Variants in LRRC49 observed in about 807,000 individuals in gnomAD.
LRRC49 encodes the protein leucine rich repeat containing 49.
LRRC49 carries 50 observed loss-of-function variants against 83.3 expected under a neutral mutation model. The ratio of observed to expected loss-of-function variants is 0.60; its 90% confidence interval spans 0.48 to 0.76. The LOEUF is 0.76. Among genes scored for constraint, LRRC49 ranks in the 30% least tolerant of loss-of-function variants. The pLI, the probability that LRRC49 is intolerant of heterozygous loss-of-function variation, is 0.00. For missense variants in LRRC49, 704 were observed against 809.1 expected (o/e 0.87, Z 1.58); for synonymous variants, 286 against 283.3 (o/e 1.01, Z -0.10).
At chr15:71,036,674 C>G (rs1386924112) in intron 14 of LRRC49, among the ~76,000 whole-genome samples, 2 of 152,156 alleles carry the variant, frequency 1.3e-5, no homozygotes, top group African/African-American at 2.4e-5. Flanking sequence ...GATATGCTCA[C>G]AATTGGAGGT....
chr15:70,854,685 A>C (rs951937413), intron 1 of LRRC49, among the ~76,000 whole-genome samples: 1 of 152,122 alleles, frequency 6.6e-6, no homozygotes, highest in Non-Finnish European at 1.5e-5. Context: ...GCCCTGTATC[A>C]GTTTTTCTCC....
At chr15:70,925,688 A>G (rs2035169945) in intron 7 of LRRC49, among the ~76,000 whole-genome samples, 1 of 152,218 alleles carries the variant, frequency 6.6e-6, no homozygotes, top group African/African-American at 2.4e-5. Flanking sequence ...ACACACTTTT[A>G]GGATATACTG....
chr15:70,953,213 G>T (rs2036282052), intron 8 of LRRC49, among the ~76,000 whole-genome samples: 1 of 152,108 alleles, frequency 6.6e-6, no homozygotes, highest in African/African-American at 2.4e-5. Context: ...TCATATAGTT[G>T]CTTTATAATA....
At chr15:70,983,637 C>T (rs1275228814) in intron 10 of LRRC49, among the ~76,000 whole-genome samples, 2 of 151,994 alleles carry the variant, frequency 1.3e-5, no homozygotes, top group Admixed American at 6.6e-5. Context: ...TCCCTTCCCC[C>T]CCTCCAAGAT....
At chr15:71,017,330 C>T (rs948126201) in intron 14 of LRRC49, among the ~76,000 whole-genome samples, 1 of 152,070 alleles carries the variant, frequency 6.6e-6, no homozygotes, top group Non-Finnish European at 1.5e-5. Flanking sequence ...TTTATCATCT[C>T]ATGTTAATGA....
intron 11 of LRRC49, among the ~76,000 whole-genome samples, chr15:70,985,947 C>T (rs1420868587): frequency 3.5e-5 from 5 of 143,688 alleles, no homozygotes; most frequent in African/African-American, 5.1e-5. Context: ...TGTAGATATG[C>T]GGCGTTATTT....
chr15:70,982,584 C>T (rs145282666), intron 10 of LRRC49, among the ~76,000 whole-genome samples: 1,697 of 152,118 alleles, frequency 0.011, 15 homozygotes, highest in Middle Eastern at 0.058. Context: ...TTTTGAAACA[C>T]CAAACAACAG....
intron 1 of LRRC49, among the ~76,000 whole-genome samples, chr15:70,862,825 C>T (rs980899604): frequency 6.6e-6 from 1 of 152,128 alleles, no homozygotes; most frequent in Non-Finnish European, 1.5e-5. Context: ...CAGCACAATT[C>T]AACCCCAGCA....
intron 1 of LRRC49, among the ~76,000 whole-genome samples, chr15:70,872,212 G>A (rs1219576142): frequency 1.3e-5 from 2 of 152,244 alleles, no homozygotes; most frequent in East Asian, 1.9e-4. Context: ...CGGCCAACAC[G>A]GCGAAACCCC....
At position 70,984,074 on chromosome 15, in the gene LRRC49, C is replaced by A; in HGVS notation, c.1006-20C>A. On this transcript the variant is annotated intron_variant, in intron 10 of 15. Transcript: ENST00000260382. ...AAAAATTGCATTATATAACTTTTGTCACAATTAACTTTTTCATAGGAGAAG... is the reference window on the plus strand; with the variant it reads ...AAAAATTGCATTATATAACTTTTGTAACAATTAACTTTTTCATAGGAGAAG... 1 of 1,608,416 alleles carries A rather than the reference C, an allele frequency of 6.2e-7. No homozygotes were observed. Among genetic ancestry groups the A allele is most frequent in the South Asian group, 1.1e-5 (1 of 90,588 alleles).
At chr15:70,887,940 C>A (rs75295760), upstream of LRRC49, among the ~76,000 whole-genome samples, 18 of 151,936 alleles carry the variant, frequency 1.2e-4, no homozygotes, top group East Asian at 1.5e-3. Context: ...TTTAAAATAC[C>A]ATTTATAGTA....
intron 14 of LRRC49, among the ~76,000 whole-genome samples, chr15:71,025,046 T>C (rs1399001059): frequency 6.6e-6 from 1 of 152,168 alleles, no homozygotes; most frequent in African/African-American, 2.4e-5. Flanking sequence ...TATGGGATTA[T>C]GTAAAAAGAC....
intron 11 of LRRC49, among the ~76,000 whole-genome samples, chr15:70,989,189 G>T (rs1468367631): frequency 6.6e-6 from 1 of 152,140 alleles, no homozygotes; most frequent in Non-Finnish European, 1.5e-5. Flanking sequence ...GGCCTGCCTT[G>T]CTGGATTGGG....
upstream of LRRC49, chr15:70,892,249 G>C (rs767741766): frequency 2.5e-6 from 4 of 1,580,590 alleles, no homozygotes; most frequent in East Asian, 9.3e-5. Flanking sequence ...TGCCGCAGTG[G>C]GCGGCCACAC....
At chr15:70,988,761 G>T (rs1177038489) in intron 11 of LRRC49, among the ~76,000 whole-genome samples, 2 of 152,148 alleles carry the variant, frequency 1.3e-5, no homozygotes, top group Non-Finnish European at 2.9e-5. Flanking sequence ...GCATGATTTT[G>T]CAGTGGCTGG....
At chr15:70,978,066 G>T (rs905309256) in intron 9 of LRRC49, among the ~76,000 whole-genome samples, 1 of 151,858 alleles carries the variant, frequency 6.6e-6, no homozygotes, top group Non-Finnish European at 1.5e-5. Context: ...TTTTTTCTTT[G>T]TTTTCAGGAG....
intron 6 of LRRC49, 125 bp downstream of exon 6, chr15:70,911,723 C>G (rs1382994269): frequency 1.6e-6 from 1 of 608,276 alleles, no homozygotes; most frequent in Non-Finnish European, 2.9e-6. Context: ...ACTGAAATTT[C>G]TAAGGTATCA....
intron 11 of LRRC49, among the ~76,000 whole-genome samples, chr15:70,993,209 C>T (rs2037953905): frequency 6.6e-6 from 1 of 152,194 alleles, no homozygotes; most frequent in South Asian, 2.1e-4. Context: ...TCCTGGTGTG[C>T]CATTTGTTAA....
intron 8 of LRRC49, among the ~76,000 whole-genome samples, chr15:70,943,845 A>G (rs2035910071): frequency 6.6e-6 from 1 of 152,160 alleles, no homozygotes; most frequent in Admixed American, 6.5e-5. Flanking sequence ...GCCTGCTGCA[A>G]CCAATTCTTA....
Sources: gnomAD v4.1 joint callset for allele counts (sites outside exome capture counted in the v4.1 genomes callset) on GRCh38, gnomAD v4.1.1 for gene constraint, MANE v1.5 for transcripts, NCBI Gene and HGNC (gene_info 2026-07-23, HGNC 2026-07-21) for gene names.